Variants in RAB43 observed in about 807,000 individuals in gnomAD.
RAB43 encodes ras-related protein Rab-43.
Under a neutral mutation model 18.8 loss-of-function variants are expected in RAB43, and 6 were observed. The observed-to-expected ratio is 0.32, with a 90% CI of 0.17 to 0.63. The LOEUF (loss-of-function observed/expected upper bound fraction) is 0.63, where lower values mean the gene tolerates loss of function less well. RAB43 is among the 30% of genes least tolerant of loss of function. The pLI, the probability that RAB43 is intolerant of heterozygous loss-of-function variation, is 0.79. For synonymous variants in RAB43, 103 were observed against 124.1 expected (o/e 0.83, Z 1.13); for missense variants, 195 against 289.1 (o/e 0.67, Z 2.36).
intron 1 of RAB43, among the ~76,000 whole-genome samples, chr3:129,113,167 A>ATT (rs1265198846): frequency 1.4e-5 from 2 of 138,254 alleles, no homozygotes; most frequent in African/African-American, 2.6e-5. Context: ...TATTATTATT[A>ATT]TTATTTTTTT....
At chr3:129,113,902 C>T (rs1369910225) in intron 1 of RAB43, among the ~76,000 whole-genome samples, 1 of 152,156 alleles carries the variant, frequency 6.6e-6, no homozygotes, top group East Asian at 1.9e-4. Context: ...TGGTGTGTGC[C>T]TGTAGTCCCA....
chr3:129,108,317 T>TTTG (rs373532454), intron 1 of RAB43, among the ~76,000 whole-genome samples: 15 of 152,376 alleles, frequency 9.8e-5, no homozygotes, highest in Middle Eastern at 3.4e-3. Flanking sequence ...ACTGTCCATG[T>TTTG]TTGGCTGGCT....
chr3:129,092,027 C>T (rs1209709509), intron 2 of RAB43, among the ~76,000 whole-genome samples: 1 of 148,880 alleles, frequency 6.7e-6, no homozygotes, highest in East Asian at 2.0e-4. Flanking sequence ...CACTGTACTC[C>T]AGCCTGGGCA....
chr3:129,097,218 C>G lies in RAB43; in HGVS notation c.205-2049G>C, dbSNP rs982677173. ...AACAATACAATCAAGGAGAGGAAATCAAGTATTTCAAGAAAAGTATCCAGA... is the reference window on the plus strand; with the variant it reads ...AACAATACAATCAAGGAGAGGAAATGAAGTATTTCAAGAAAAGTATCCAGA... On this transcript the variant is annotated intron_variant, in intron 1 of 2. Coordinates refer to ENST00000315150, the MANE Select transcript of RAB43 (RefSeq NM_198490.3). 2.0e-5 allele frequency among the ~76,000 whole-genome samples: 3 copies of G among 152,112 alleles called. No homozygotes were observed. The South Asian group carries it at 6.2e-4, about 32-fold the overall frequency.
intron 1 of RAB43, among the ~76,000 whole-genome samples, chr3:129,100,838 G>C (rs1050249032): frequency 6.6e-6 from 1 of 151,988 alleles, no homozygotes; most frequent in Non-Finnish European, 1.5e-5. Flanking sequence ...GACGAGTCTC[G>C]CTCTGTCGCC....
chr3:129,097,062 G>A (rs1007943743), intron 1 of RAB43, among the ~76,000 whole-genome samples: 1 of 152,032 alleles, frequency 6.6e-6, no homozygotes, highest in Non-Finnish European at 1.5e-5. Flanking sequence ...CCAGTGAGCC[G>A]AGATCACGCC....
chr3:129,103,693 T>G (rs1158269779), intron 1 of RAB43, among the ~76,000 whole-genome samples: 3 of 152,138 alleles, frequency 2.0e-5, no homozygotes, highest in African/African-American at 7.2e-5. Context: ...GCCTCCCAAG[T>G]AGCTGGGATT....
rs1357588934 is a variant in RAB43 at position 129,107,322 on chromosome 3, A to G, written c.205-12153T>C. Among the ~76,000 whole-genome samples the G allele has an allele frequency of 1.3e-5, 2 of 152,170 alleles. No individual in the cohort carries two copies. The highest frequency in any genetic ancestry group is 3.9e-4 in the East Asian group (2 of 5,170). ...GCAGGAATCAAACCCGTTCCTGAAC[A>G]GCTTGGATGAGAAAAAGGTGCACTG... On this transcript the variant is annotated intron_variant, in intron 1 of 2. Coordinates refer to ENST00000315150, the MANE Select transcript of RAB43 (RefSeq NM_198490.3). This position sits in a 1 kb window ranked among gnomAD's most constrained non-coding sequence, Gnocchi z 4.2.
rs1331537882 is a variant in RAB43, at chr3:129,091,180, C to A, written c.555G>T (p.Gly185=). ...RVATELIMRH[G]GPLFSEKSPD... ...GGCTCTTCTCGCTGAACAAGGGGCC[C>A]CCGTGCCGCATGATGAGCTCCGTGG... Residue 185 remains glycine (G), a synonymous_variant, in exon 3 of 3, where the codon GGG becomes GGT. Coordinates refer to ENST00000315150, the MANE Select transcript of RAB43 (RefSeq NM_198490.3). 6.3e-7 allele frequency: 1 copy of A among 1,575,220 alleles called. No homozygotes were observed. The highest frequency in any genetic ancestry group is 1.8e-5 in the Admixed American group (1 of 55,426).
upstream of RAB43, chr3:129,122,138 C>T (rs1264100524): frequency 6.0e-6 from 1 of 168,066 alleles, no homozygotes; most frequent in South Asian, 9.4e-5. Context: ...CTCAGCCCTC[C>T]CCGACTCCGC....
intron 1 of RAB43, among the ~76,000 whole-genome samples, chr3:129,116,089 A>T (rs1191581672): frequency 2.6e-5 from 4 of 152,216 alleles, no homozygotes; most frequent in African/African-American, 9.7e-5. Flanking sequence ...ATTGTTGTTA[A>T]TTTCGTACTG....
chr3:129,108,680 C>T (rs1184250444), intron 1 of RAB43, among the ~76,000 whole-genome samples: 1 of 152,198 alleles, frequency 6.6e-6, no homozygotes, highest in Non-Finnish European at 1.5e-5. Flanking sequence ...TTCCAGGTTC[C>T]AAGGGTTCTT....
At chr3:129,104,189 T>C (rs1328385705) in intron 1 of RAB43, among the ~76,000 whole-genome samples, 1 of 152,088 alleles carries the variant, frequency 6.6e-6, no homozygotes, top group Non-Finnish European at 1.5e-5. Context: ...GGCTAAGGTG[T>C]TTTTCACTGC....
chr3:129,112,137 T>G (rs1935211896), intron 1 of RAB43, among the ~76,000 whole-genome samples: 1 of 151,842 alleles, frequency 6.6e-6, no homozygotes, highest in African/African-American at 2.4e-5. Context: ...GCCCTGTAGT[T>G]CCAGCTACTC....
At chr3:129,112,123 G>A (rs1935210741) in intron 1 of RAB43, among the ~76,000 whole-genome samples, 1 of 151,906 alleles carries the variant, frequency 6.6e-6, no homozygotes, top group South Asian at 2.1e-4. Flanking sequence ...GCGTGGTGGC[G>A]CATGCCCTGT....
At chr3:129,091,752 G>C (rs1011794595) in intron 2 of RAB43, among the ~76,000 whole-genome samples, 5 of 151,584 alleles carry the variant, frequency 3.3e-5, no homozygotes, top group African/African-American at 1.2e-4. Flanking sequence ...TTGTAATGTG[G>C]TTATAAGGAA....
chr3:129,092,523 G>A (rs1468236860), intron 2 of RAB43: 5 of 700,068 alleles, frequency 7.1e-6, no homozygotes, highest in Non-Finnish European at 1.0e-5. Flanking sequence ...ACTACTTGGA[G>A]GTTGAGGCAG....
chr3:129,106,326 T>A (rs191776513), intron 1 of RAB43, among the ~76,000 whole-genome samples: 1 of 152,236 alleles, frequency 6.6e-6, no homozygotes, highest in Non-Finnish European at 1.5e-5. Context: ...CTGGTCAGAC[T>A]GACCCAAATA....
At position 129,091,297 on chromosome 3, in the gene RAB43, T is replaced by C; in HGVS notation, c.438A>G (p.Ala146=). Reference sequence around the variant, plus strand: ...TGTCATAGTGCTCAGCCAGGCTCTGTGCCTCAGCCAAGGAGACCTCCCGAA... The same window carrying C: ...TGTCATAGTGCTCAGCCAGGCTCTGCGCCTCAGCCAAGGAGACCTCCCGAA... ...SELREVSLAE[A]QSLAEHYDIL... is the part of the protein sequence containing the mutation. Residue 146 remains alanine (A), a synonymous_variant, in exon 3 of 3, where the codon GCA becomes GCG. Transcript: ENST00000315150. The C allele has an allele frequency of 6.3e-7, 1 of 1,595,842 alleles. No homozygotes were observed.
Sources: gnomAD v4.1 joint callset for allele counts (sites outside exome capture counted in the v4.1 genomes callset) on GRCh38, gnomAD v4.1.1 for gene constraint, Gnocchi (gnomAD v3.1) non-coding constraint, MANE v1.5 for transcripts, NCBI Gene and HGNC (gene_info 2026-07-23, HGNC 2026-07-21) for gene names.